Variants in SLC30A3 observed in about 807,000 individuals in gnomAD.
The protein encoded by SLC30A3 is solute carrier family 30 member 3.
A neutral mutation model predicts 35.6 loss-of-function variants in SLC30A3; 20 were observed. The ratio of observed to expected loss-of-function variants is 0.56; its 90% CI spans 0.39 to 0.82. The LOEUF is 0.82. SLC30A3 is among the 40% of genes least tolerant of loss of function. SLC30A3 has a pLI of 0.00. For synonymous variants in SLC30A3, 217 were observed against 224.7 expected, an observed-to-expected ratio of 0.97 and a Z score of 0.31; for missense variants, 401 against 530.6, an observed-to-expected ratio of 0.76 and a Z score of 2.40.
chr2:27,265,970 C>T (rs193086972), upstream of SLC30A3, among the ~76,000 whole-genome samples: 1 of 152,164 alleles, frequency 6.6e-6, no homozygotes, highest in Admixed American at 6.5e-5. The surrounding 1 kb of genome is among the most constrained non-coding windows in gnomAD (Gnocchi z 5.9). Flanking sequence ...GCTTAAATGT[C>T]ACTGCCTCGG....
intron 1 of SLC30A3, 149 bp from the exon 2 acceptor site, chr2:27,259,083 G>A: frequency 1.6e-6 from 1 of 610,922 alleles, no homozygotes. Context: ...AGGGCCACAT[G>A]AGAGACCGGG....
chr2:27,257,924 C>T lies in SLC30A3; in HGVS notation c.559G>A (p.Ala187Thr), dbSNP rs754196564. The change falls in exon 4 of 8, where the codon GCA becomes ACA. Residue 187 changes from alanine (A) to threonine (T), a missense_variant. By Grantham distance (58) the Ala-to-Thr change is moderately conservative. Transcript: ENST00000233535. This position sits in a 1 kb window ranked among gnomAD's most constrained non-coding sequence, Gnocchi z 4.7. ...GGAMLLTASI[A>T]VCANLLMAFV... ...ACGTACAACAGGTTGGCACAGACTGCGATGCTGGCGGTCAGCAGCATGGCA... is the reference window on the plus strand; with the variant it reads ...ACGTACAACAGGTTGGCACAGACTGTGATGCTGGCGGTCAGCAGCATGGCA... 15 of 1,613,848 alleles carry T rather than the reference C, an allele frequency of 9.3e-6. No individual in the cohort carries two copies. Among genetic ancestry groups the T allele is most frequent in the African/African-American group, 8.0e-5 (6 of 74,920 alleles).
intron 6 of SLC30A3, 39 bp from the exon 7 acceptor site, chr2:27,256,559 C>G: frequency 6.2e-7 from 1 of 1,611,716 alleles, no homozygotes; most frequent in South Asian, 1.1e-5. Flanking sequence ...GCTAGGGCTA[C>G]TCCTGCCCAG....
intron 1 of SLC30A3, among the ~76,000 whole-genome samples, chr2:27,270,403 A>G (rs1034414989): frequency 4.6e-5 from 7 of 152,110 alleles, no homozygotes; most frequent in Non-Finnish European, 8.8e-5. Flanking sequence ...ATGGGGTTCT[A>G]AGAGGCTGAG....
At chr2:27,269,924 G>A (rs1045658671) in intron 1 of SLC30A3, among the ~76,000 whole-genome samples, 1 of 152,000 alleles carries the variant, frequency 6.6e-6, no homozygotes, top group African/African-American at 2.4e-5. Context: ...AGAAGGAAGA[G>A]GACCCAGTAA....
chr2:27,268,419 A>G (rs1475544022), intron 1 of SLC30A3, among the ~76,000 whole-genome samples: 6 of 152,214 alleles, frequency 3.9e-5, no homozygotes, highest in Non-Finnish European at 8.8e-5. Flanking sequence ...GTGAAGAAAA[A>G]CAGAAATATT....
At position 27,257,875 on chromosome 2, in the gene SLC30A3, A is replaced by AG. The variant is rs1558558567; in HGVS notation, c.578+29_578+30insC. On this transcript the variant is annotated intron_variant, in intron 4 of 7. Coordinates refer to ENST00000233535, the MANE Select transcript of SLC30A3 (RefSeq NM_003459.5). This position sits in a 1 kb window ranked among gnomAD's most constrained non-coding sequence, Gnocchi z 4.7. ...AGGAAGACCCCTCGCCCTGGGCCCCACAAGGTGCCTGCTCCATACTGGGAC... is the reference window on the plus strand; with the variant it reads ...AGGAAGACCCCTCGCCCTGGGCCCCAGCAAGGTGCCTGCTCCATACTGGGAC... The AG allele has an allele frequency of 6.3e-7, 1 of 1,598,336 alleles. No homozygotes were observed. Among genetic ancestry groups the AG allele is most frequent in the Non-Finnish European group, 8.5e-7 (1 of 1,170,576 alleles).
upstream of SLC30A3, among the ~76,000 whole-genome samples, chr2:27,266,897 T>C (rs538826083): frequency 6.6e-6 from 1 of 152,220 alleles, no homozygotes; most frequent in South Asian, 2.1e-4. Flanking sequence ...TTCCATCTCA[T>C]AAATAAATAA....
At position 27,262,748 on chromosome 2, in the gene SLC30A3, C is replaced by G; in HGVS notation, c.95+64G>C. ...CCGGGGCCCGCGCCGAGAGAGACAACGAAATGGACGGAGGGTAGTAGGGTG... is the reference window on the plus strand; with the variant it reads ...CCGGGGCCCGCGCCGAGAGAGACAAGGAAATGGACGGAGGGTAGTAGGGTG... On this transcript the variant is annotated intron_variant, in intron 1 of 7. Coordinates refer to ENST00000233535, the MANE Select transcript of SLC30A3 (RefSeq NM_003459.5). This position sits in a 1 kb window ranked among gnomAD's most constrained non-coding sequence, Gnocchi z 7.5. 1 of 1,417,948 alleles carries G rather than the reference C, an allele frequency of 7.1e-7. No homozygotes were observed. The highest frequency in any genetic ancestry group is 9.2e-7 in the Non-Finnish European group (1 of 1,081,832). 87.8% of individuals were successfully genotyped at this position (1,417,948 alleles called of 1,614,324 possible). A position where few individuals can be genotyped will look rare whatever the true frequency, so the allele number is the denominator to read the frequency against.
Position 27,257,634 on chromosome 2 carries a change from C to T in SLC30A3, c.578+271G>A, listed in dbSNP as rs988368991. On this transcript the variant is annotated intron_variant, in intron 4 of 7. Coordinates refer to ENST00000233535, the MANE Select transcript of SLC30A3 (RefSeq NM_003459.5). The surrounding 1 kb of genome is among the most constrained non-coding windows in gnomAD (Gnocchi z 4.7). ...GTAAACTAGGGGTAATGCTACCTAC[C>T]TCATGGGGTGGCTGTGAGGTTTAAA... The T allele has an allele frequency of 2.7e-5, 16 of 598,188 alleles. No individual in the cohort carries two copies. The highest frequency in any genetic ancestry group is 4.7e-5 in the Non-Finnish European group (16 of 336,948). 37.1% of individuals were successfully genotyped at this position (598,188 alleles called of 1,614,324 possible). A position where few individuals can be genotyped will look rare whatever the true frequency, so the allele number is the denominator to read the frequency against.
At chr2:27,272,060 T>C (rs1172059206) in intron 1 of SLC30A3, among the ~76,000 whole-genome samples, 1 of 152,158 alleles carries the variant, frequency 6.6e-6, no homozygotes, top group Non-Finnish European at 1.5e-5. Flanking sequence ...AAAGAGATAA[T>C]TAGGTAGGAG....
At chr2:27,264,933 C>T (rs1000987431), upstream of SLC30A3, among the ~76,000 whole-genome samples, 4 of 152,196 alleles carry the variant, frequency 2.6e-5, no homozygotes, top group Non-Finnish European at 5.9e-5. The surrounding 1 kb of genome is among the most constrained non-coding windows in gnomAD (Gnocchi z 6.1). Context: ...TCGCACCCAT[C>T]CTAGGGCTCT....
At chr2:27,264,182 A>T, upstream of SLC30A3, 1 of 631,458 alleles carries the variant, frequency 1.6e-6, no homozygotes, top group East Asian at 6.7e-5. The surrounding 1 kb of genome is among the most constrained non-coding windows in gnomAD (Gnocchi z 6.1). Context: ...GTGAGCAGGG[A>T]TGGGGAAGCG....
chr2:27,267,052 T>C (rs547899992), upstream of SLC30A3, among the ~76,000 whole-genome samples: 1 of 152,150 alleles, frequency 6.6e-6, no homozygotes, highest in Non-Finnish European at 1.5e-5. Context: ...ACTGAGCCCC[T>C]GATTGTCACG....
chr2:27,257,808 G>C lies in SLC30A3; in HGVS notation c.578+97C>G. The stretch of plus-strand genomic sequence containing the variant: ...CATGGAGAGCTGTGTGTGCGTGTCT[G>C]TGTGTCTGGTGGGGAGGAGAGAGCC... On this transcript the variant is annotated intron_variant, in intron 4 of 7. Coordinates refer to ENST00000233535, the MANE Select transcript of SLC30A3 (RefSeq NM_003459.5). This position sits in a 1 kb window ranked among gnomAD's most constrained non-coding sequence, Gnocchi z 4.7. The C allele has an allele frequency of 8.1e-7, 1 of 1,235,532 alleles. No individual in the cohort carries two copies. Among genetic ancestry groups the C allele is most frequent in the Non-Finnish European group, 1.1e-6 (1 of 872,548 alleles). The allele number at this position is 1,235,532 out of a possible 1,614,324, so 76.5% of individuals were successfully genotyped here.
upstream of SLC30A3, chr2:27,264,091 T>C: frequency 7.8e-7 from 1 of 1,283,306 alleles, no homozygotes; most frequent in Non-Finnish European, 1.0e-6. The surrounding 1 kb of genome is among the most constrained non-coding windows in gnomAD (Gnocchi z 6.1). Flanking sequence ...CACTGTAGAA[T>C]GGGAGGGGGT....
In SLC30A3 at chr2:27,254,970, G is replaced by A. The variant is rs1275407932; in HGVS notation, c.*342C>T. 1 of 903,208 alleles carries A rather than the reference G, an allele frequency of 1.1e-6. No homozygotes were observed. The highest frequency in any genetic ancestry group is 1.7e-5 in the African/African-American group (1 of 57,694). 55.9% of individuals were successfully genotyped at this position (903,208 alleles called of 1,614,324 possible). On this transcript the variant is annotated 3_prime_UTR_variant, in exon 8 of 8. Transcript: ENST00000233535. ...CCCCAGCCAGCCAGCCTGCCACACA[G>A]ACAAATGGACTGCAGGGAAAGGATG...
At chr2:27,264,605 C>G (rs1176471007), upstream of SLC30A3, among the ~76,000 whole-genome samples, 2 of 152,096 alleles carry the variant, frequency 1.3e-5, no homozygotes, top group Non-Finnish European at 2.9e-5. This position sits in a 1 kb window ranked among gnomAD's most constrained non-coding sequence, Gnocchi z 6.1. Context: ...GCCCTCCGCG[C>G]CGTCCCCACC....
In SLC30A3 at chr2:27,258,962, G is replaced by A; in HGVS notation, c.96-28C>T. 1 of 1,549,782 alleles carries A rather than the reference G, an allele frequency of 6.5e-7. No homozygotes were observed. Among genetic ancestry groups the A allele is most frequent in the Non-Finnish European group, 8.7e-7 (1 of 1,148,100 alleles). On this transcript the variant is annotated intron_variant, in intron 1 of 7. Coordinates refer to ENST00000233535, the MANE Select transcript of SLC30A3 (RefSeq NM_003459.5). The surrounding 1 kb of genome is among the most constrained non-coding windows in gnomAD (Gnocchi z 4.0). The stretch of plus-strand genomic sequence containing the variant: ...GAGGCAAGCAACATGGTTCAACCTG[G>A]GCCTGGCCCACAGGCTGGCCTGCTC...
Sources: gnomAD v4.1 joint callset for allele counts (sites outside exome capture counted in the v4.1 genomes callset) on GRCh38, gnomAD v4.1.1 for gene constraint, Gnocchi (gnomAD v3.1) non-coding constraint, MANE v1.5 for transcripts, NCBI Gene and HGNC (gene_info 2026-07-23, HGNC 2026-07-21) for gene names.